TMPPE: variants seen among roughly 807,000 people sequenced by gnomAD.
TMPPE encodes transmembrane protein with metallophosphoesterase domain.
Under a neutral mutation model 22.6 loss-of-function variants are expected in TMPPE, and 16 were observed. The observed-to-expected ratio is 0.71, with a 90% CI of 0.48 to 1.08. The LOEUF is 1.08. TMPPE is among the 50% of genes least tolerant of loss of function. The pLI, the probability that TMPPE is intolerant of heterozygous loss-of-function variation, is 0.00. For missense variants in TMPPE, 526 were observed against 584.3 expected (o/e 0.90, Z 1.03); for synonymous variants, 240 against 245.3 (o/e 0.98, Z 0.20).
chr3:33,095,407 T>A (rs1290572051), intron 1 of TMPPE, among the ~76,000 whole-genome samples: 1 of 152,022 alleles, frequency 6.6e-6, no homozygotes, highest in African/African-American at 2.4e-5. Context: ...GCGCCTGTAG[T>A]CCCAGCTACT....
At position 33,090,722 on chromosome 3, in the gene TMPPE, CT is replaced by C. The variant is rs1420074617; in HGVS notation, c.*2111del. ...CTGGACAGTGATGGAGAAATTTCTGCTGCAAAAATGTCCGCCGCGTCAGGGA... is the reference window on the plus strand; with the variant it reads ...CTGGACAGTGATGGAGAAATTTCTGCGCAAAAATGTCCGCCGCGTCAGGGA... On this transcript the variant is annotated 3_prime_UTR_variant, in exon 2 of 2. Transcript: ENST00000342462. The C allele has an allele frequency of 1.0e-6, 1 of 985,268 alleles. No homozygotes were observed. The highest frequency in any genetic ancestry group is 6.2e-5 in the Admixed American group (1 of 16,260). 61.0% of individuals were successfully genotyped at this position (985,268 alleles called of 1,614,324 possible).
Position 33,096,921 on chromosome 3 carries a change from CG to C in TMPPE, c.-312del. 3 of 1,539,052 alleles carry C rather than the reference CG, an allele frequency of 1.9e-6. No homozygotes were observed. The highest frequency in any genetic ancestry group is 1.8e-4 in the Middle Eastern group (1 of 5,426). On this transcript the variant is annotated 5_prime_UTR_variant, in exon 1 of 2. Coordinates refer to ENST00000342462, the MANE Select transcript of TMPPE (RefSeq NM_001039770.3). ...TTCGGGGCTCAGGCTCCCCGCCCTG[CG>C]GGACCGCGGGTGGCTGCGACCCCAG...
At chr3:33,094,431 C>T (rs1700916258) in intron 1 of TMPPE, 128 bp from the exon 2 acceptor site, 2 of 1,125,234 alleles carry the variant, frequency 1.8e-6, no homozygotes, top group Non-Finnish European at 2.3e-6. Flanking sequence ...CAGTCAGTTG[C>T]TAGCTATACT....
At chr3:33,096,543 C>A in intron 1 of TMPPE, 176 bp downstream of exon 1, 2 of 985,076 alleles carry the variant, frequency 2.0e-6, no homozygotes, top group Non-Finnish European at 2.4e-6. Flanking sequence ...GGGGAAATAA[C>A]CCAATGTTCC....
Position 33,091,677 on chromosome 3 carries a change from GGC to G in TMPPE, c.*1155_*1156del, listed in dbSNP as rs1268222989. The G allele has an allele frequency of 2.0e-6, 2 of 985,092 alleles. No individual in the cohort carries two copies. The highest frequency in any genetic ancestry group is 3.5e-5 in the African/African-American group (2 of 57,224). The allele number at this position is 985,092 out of a possible 1,614,324, so 61.0% of individuals were successfully genotyped here. A position where few individuals can be genotyped will look rare whatever the true frequency, so the allele number is the denominator to read the frequency against. On this transcript the variant is annotated 3_prime_UTR_variant, in exon 2 of 2. Transcript: ENST00000342462. ...CCATTTTAGGGTTGATGGAAACCAA[GGC>G]TGAGTGAGGGAAAGTCACCCACCCA...
In TMPPE at chr3:33,096,766, A is replaced by C; in HGVS notation, c.-156T>G. 2.3e-6 allele frequency: 3 copies of C among 1,318,110 alleles called. No individual in the cohort carries two copies. Among genetic ancestry groups the C allele is most frequent in the Non-Finnish European group, 2.9e-6 (3 of 1,038,310 alleles). 81.7% of individuals were successfully genotyped at this position (1,318,110 alleles called of 1,614,324 possible). A position where few individuals can be genotyped will look rare whatever the true frequency, so the allele number is the denominator to read the frequency against. On this transcript the variant is annotated 5_prime_UTR_variant, in exon 1 of 2. Coordinates refer to ENST00000342462, the MANE Select transcript of TMPPE (RefSeq NM_001039770.3). ...GATGGGGAAGTGGATCCAAGCGCAAAGGGCGGCCGGAGCGGAACGCACAAG... is the reference window on the plus strand; with the variant it reads ...GATGGGGAAGTGGATCCAAGCGCAACGGGCGGCCGGAGCGGAACGCACAAG...
chr3:33,093,715 TC>T lies in TMPPE; in HGVS notation c.480del (p.Lys161SerfsTer12). On this transcript the variant is annotated frameshift_variant, in exon 2 of 2. Transcript: ENST00000342462. LOFTEE classifies it high-confidence loss of function. The surrounding 1 kb of genome is among the most constrained non-coding windows in gnomAD (Gnocchi z 6.0). ...GRVVGSLEKT[R>X]KLVLRPALAV... ...GCCAGGGCAGGCCTGAGCACGAGCT[TC>T]CTTGTCTTCTCAAGGCTGCCCACGA... 1 of 1,614,084 alleles carries T rather than the reference TC, an allele frequency of 6.2e-7. No homozygotes were observed. Among genetic ancestry groups the T allele is most frequent in the Non-Finnish European group, 8.5e-7 (1 of 1,179,996 alleles).
In TMPPE at chr3:33,092,433, A is replaced by C; in HGVS notation, c.*401T>G. Reference sequence around the variant, plus strand: ...GGAAACCACTTAAGTCCTAAAGACAATTTTAAAACACCAGGAGAAAAATGC... The same window carrying C: ...GGAAACCACTTAAGTCCTAAAGACACTTTTAAAACACCAGGAGAAAAATGC... On this transcript the variant is annotated 3_prime_UTR_variant, in exon 2 of 2. Coordinates refer to ENST00000342462, the MANE Select transcript of TMPPE (RefSeq NM_001039770.3). The C allele has an allele frequency of 1.0e-6, 1 of 1,001,454 alleles. No individual in the cohort carries two copies. The highest frequency in any genetic ancestry group is 1.2e-6 in the Non-Finnish European group (1 of 840,102). The allele number at this position is 1,001,454 out of a possible 1,614,324, so 62.0% of individuals were successfully genotyped here. A position where few individuals can be genotyped will look rare whatever the true frequency, so the allele number is the denominator to read the frequency against.
rs933376244 is a variant in TMPPE at position 33,096,985 on chromosome 3, C to T, written c.-375G>A. ...CCAGCCTGTCCCCTAGCAATGCCTCCCCGTACCCGGGTCCCGCAGACTTAC... is the reference window on the plus strand; with the variant it reads ...CCAGCCTGTCCCCTAGCAATGCCTCTCCGTACCCGGGTCCCGCAGACTTAC... On this transcript the variant is annotated 5_prime_UTR_variant, in exon 1 of 2. Transcript: ENST00000342462. The T allele has an allele frequency of 2.5e-6, 4 of 1,609,496 alleles. No homozygotes were observed. Among genetic ancestry groups the T allele is most frequent in the Admixed American group, 1.7e-5 (1 of 59,502 alleles).
Position 33,097,036 on chromosome 3 carries a change from A to G in TMPPE, c.-426T>C. The G allele has an allele frequency of 6.2e-7, 1 of 1,612,418 alleles. No individual in the cohort carries two copies. ...GCGCAAGCCGCGCGTAGGGCCCAGA[A>G]GCAGCAGAACCAGCAACAGAGGGAG... is the stretch of plus-strand genomic sequence containing the variant. On this transcript the variant is annotated 5_prime_UTR_variant, in exon 1 of 2. Coordinates refer to ENST00000342462, the MANE Select transcript of TMPPE (RefSeq NM_001039770.3).
Position 33,092,242 on chromosome 3 carries a change from T to C in TMPPE, c.*592A>G. 1.0e-6 allele frequency: 1 copy of C among 985,750 alleles called. No homozygotes were observed. The highest frequency in any genetic ancestry group is 1.7e-5 in the African/African-American group (1 of 57,352). The allele number at this position is 985,750 out of a possible 1,614,324, so 61.1% of individuals were successfully genotyped here. On this transcript the variant is annotated 3_prime_UTR_variant, in exon 2 of 2. Coordinates refer to ENST00000342462, the MANE Select transcript of TMPPE (RefSeq NM_001039770.3). Reference sequence around the variant, plus strand: ...GGCCTGGAACAGGAGGAGCTTTGCATTCCAGTAGATTTTGCTGATGCCCTC... The same window carrying C: ...GGCCTGGAACAGGAGGAGCTTTGCACTCCAGTAGATTTTGCTGATGCCCTC...
Position 33,092,795 on chromosome 3 carries a change from G to C in TMPPE, c.*39C>G. On this transcript the variant is annotated 3_prime_UTR_variant, in exon 2 of 2. Coordinates refer to ENST00000342462, the MANE Select transcript of TMPPE (RefSeq NM_001039770.3). The stretch of plus-strand genomic sequence containing the variant: ...ACTCTGAAGCAGGATGGAGGGTCGA[G>C]GACAAGGGCAGGGCAGAGGTGCACA... 6.5e-7 allele frequency: 1 copy of C among 1,546,752 alleles called. No homozygotes were observed. The highest frequency in any genetic ancestry group is 8.7e-7 in the Non-Finnish European group (1 of 1,146,046).
Position 33,092,932 on chromosome 3 carries a change from A to G in TMPPE, c.1264T>C (p.Phe422Leu), listed in dbSNP as rs747086872. The G allele has an allele frequency of 1.9e-6, 3 of 1,614,210 alleles. No homozygotes were observed. The highest frequency in any genetic ancestry group is 2.2e-5 in the South Asian group (2 of 91,084). ...GCTGTGCCTGGGCTGACATACACGA[A>G]TGTAGCCTGGGCCACCTGGTAGAGA... ...AGLYQVAQAT[F>L]VYVSPGTAYY... Residue 422 changes from phenylalanine to leucine, a missense_variant, in exon 2 of 2, where the codon TTC becomes CTC. By Grantham distance (22) the Phe-to-Leu change is conservative (BLOSUM62 0). Transcript: ENST00000342462.
chr3:33,095,099 T>C (rs777346582), intron 1 of TMPPE, among the ~76,000 whole-genome samples: 6 of 150,420 alleles, frequency 4.0e-5, no homozygotes, highest in African/African-American at 7.4e-5. Flanking sequence ...TAATCCCAGC[T>C]ACTCGGGAGG....
rs373722571 is a variant in TMPPE, at chr3:33,093,393, T to C, written c.803A>G (p.His268Arg). The C allele has an allele frequency of 6.2e-7, 1 of 1,613,788 alleles. No homozygotes were observed. Among genetic ancestry groups the C allele is most frequent in the African/African-American group, 1.3e-5 (1 of 74,912 alleles). Reference protein sequence around the residue: ...AVAPLGQLHSHLGAYFVTGNH... With the variant: ...AVAPLGQLHSRLGAYFVTGNH... ...GCCTGTGACGAAGTAGGCACCGAGA[T>C]GTGAATGAAGCTGGCCCAGAGGAGC... The change falls in exon 2 of 2, where the codon CAT (histidine) becomes CGT (arginine). Residue 268 changes from histidine (H) to arginine (R), a missense_variant. His to Arg is a conservative substitution (Grantham distance 29). Transcript: ENST00000342462. The surrounding 1 kb of genome is among the most constrained non-coding windows in gnomAD (Gnocchi z 6.0).
chr3:33,093,041 G>C lies in TMPPE; in HGVS notation c.1155C>G (p.Asn385Lys), dbSNP rs1008280799. The change falls in exon 2 of 2, where the codon AAC becomes AAG. Residue 385 changes from asparagine (N) to lysine (K), a missense_variant. Physicochemically the swap from Asn to Lys is moderately conservative, Grantham distance 94. Transcript: ENST00000342462. The surrounding 1 kb of genome is among the most constrained non-coding windows in gnomAD (Gnocchi z 6.0). ...KRALQARPDI[N>K]LILSGHTHAG... The stretch of plus-strand genomic sequence containing the variant: ...CATGTGTGTGCCCAGAAAGGATCAG[G>C]TTAATATCTGGCCGAGCCTGGAGAG... 1 of 1,614,244 alleles carries C rather than the reference G, an allele frequency of 6.2e-7. No individual in the cohort carries two copies. The highest frequency in any genetic ancestry group is 1.3e-5 in the African/African-American group (1 of 75,074).
chr3:33,090,598 A>C lies in TMPPE; in HGVS notation c.*2236T>G, dbSNP rs1575496777. On this transcript the variant is annotated 3_prime_UTR_variant, in exon 2 of 2. Coordinates refer to ENST00000342462, the MANE Select transcript of TMPPE (RefSeq NM_001039770.3). ...CAAGCTTCAAGTAACGTTTCTCACC[A>C]CCTCCCCCGGCCACAAACAAACAAA... 1 of 985,274 alleles carries C rather than the reference A, an allele frequency of 1.0e-6. No homozygotes were observed. The highest frequency in any genetic ancestry group is 1.2e-6 in the Non-Finnish European group (1 of 829,904). The allele number at this position is 985,274 out of a possible 1,614,324, so 61.0% of individuals were successfully genotyped here.
Position 33,096,735 on chromosome 3 carries a change from G to GT in TMPPE, c.-126dup. ...TACACGCACCTCGTCTCAACACCTC[G>GT]TTACAGATGGGGAAGTGGATCCAAG... On this transcript the variant is annotated 5_prime_UTR_variant, in exon 1 of 2. Transcript: ENST00000342462. 2.3e-6 allele frequency: 3 copies of GT among 1,288,678 alleles called. No individual in the cohort carries two copies. The highest frequency in any genetic ancestry group is 2.9e-6 in the Non-Finnish European group (3 of 1,019,932). 79.8% of individuals were successfully genotyped at this position (1,288,678 alleles called of 1,614,324 possible).
In TMPPE at chr3:33,092,485, A is replaced by C. The variant is rs1053149530; in HGVS notation, c.*349T>G. The C allele has an allele frequency of 1.4e-5, 15 of 1,054,526 alleles. No individual in the cohort carries two copies. The African/African-American group carries it at 2.0e-4, about 14-fold the overall frequency. 65.3% of individuals were successfully genotyped at this position (1,054,526 alleles called of 1,614,324 possible). A position where few individuals can be genotyped will look rare whatever the true frequency, so the allele number is the denominator to read the frequency against. ...CCTGCTCCTCCCCGCCCCACCTTCTAGAGGTATGCCTTTCTAGCAACCCCG... is the reference window on the plus strand; with the variant it reads ...CCTGCTCCTCCCCGCCCCACCTTCTCGAGGTATGCCTTTCTAGCAACCCCG... On this transcript the variant is annotated 3_prime_UTR_variant, in exon 2 of 2. Transcript: ENST00000342462.
Sources: allele counts gnomAD v4.1 joint callset (sites outside exome capture counted in the v4.1 genomes callset), GRCh38; gene constraint gnomAD v4.1.1; non-coding constraint Gnocchi (gnomAD v3.1); transcripts MANE v1.5; gene names NCBI Gene and HGNC (gene_info 2026-07-23, HGNC 2026-07-21).